SCAPER: variants seen among roughly 807,000 people sequenced by gnomAD.
SCAPER encodes S phase cyclin A-associated protein in the endoplasmic reticulum.
In SCAPER, 98 loss-of-function variants were observed where a neutral mutation model predicts 182.2. That is an observed-to-expected ratio of 0.54 (90% CI 0.46 to 0.64). The LOEUF (loss-of-function observed/expected upper bound fraction) is 0.64, where lower values mean the gene tolerates loss of function less well. SCAPER is among the 30% of genes least tolerant of loss of function. SCAPER has a pLI of 0.00. For synonymous variants in SCAPER, 605 were observed against 564.6 expected, an observed-to-expected ratio of 1.07 and a Z score of -1.01; for missense variants, 1,432 against 1,690.0, an observed-to-expected ratio of 0.85 and a Z score of 2.68.
chr15:76,902,885 G>A (rs1430687733), intron 1 of SCAPER, among the ~76,000 whole-genome samples: 3 of 151,748 alleles, frequency 2.0e-5, no homozygotes, highest in African/African-American at 7.3e-5. Flanking sequence ...GGTGAAACCC[G>A]GTCTCTACTA....
chr15:76,604,238 C>G (rs1287890091), intron 22 of SCAPER, among the ~76,000 whole-genome samples: 2 of 121,094 alleles, frequency 1.7e-5, no homozygotes, highest in Non-Finnish European at 2.0e-5. Flanking sequence ...CAGCTTTCTA[C>G]ATATGGCTAG....
chr15:76,431,640 C>G (rs768537789), intron 26 of SCAPER, among the ~76,000 whole-genome samples: 3 of 111,192 alleles, frequency 2.7e-5, no homozygotes, highest in Non-Finnish European at 5.0e-5. Context: ...CAGTTCATAT[C>G]TGGGAAGGTG....
intron 23 of SCAPER, among the ~76,000 whole-genome samples, chr15:76,566,582 C>G (rs992750527): frequency 3.9e-5 from 6 of 152,094 alleles, no homozygotes; most frequent in African/African-American, 1.4e-4. Context: ...AAATGTAATG[C>G]TTATCATCAC....
At chr15:76,464,554 GA>G (rs59376538) in intron 25 of SCAPER, among the ~76,000 whole-genome samples, 102 of 150,570 alleles carry the variant, frequency 6.8e-4, no homozygotes, top group African/African-American at 2.2e-3. Flanking sequence ...ATGTTTGGTT[GA>G]AAAAAAAACT....
intron 20 of SCAPER, among the ~76,000 whole-genome samples, chr15:76,674,351 C>A (rs1212341793): frequency 6.6e-6 from 1 of 152,144 alleles, no homozygotes; most frequent in African/African-American, 2.4e-5. Flanking sequence ...ACTCTAGGTT[C>A]ATGTGTCTAT....
intron 25 of SCAPER, among the ~76,000 whole-genome samples, chr15:76,459,050 A>G (rs1314955825): frequency 1.3e-5 from 2 of 152,032 alleles, no homozygotes; most frequent in Non-Finnish European, 2.9e-5. Context: ...ATGTGCCACC[A>G]TGCCTGGCAA....
intron 17 of SCAPER, among the ~76,000 whole-genome samples, chr15:76,711,685 C>G (rs1049640446): frequency 3.3e-5 from 5 of 152,126 alleles, no homozygotes; most frequent in South Asian, 2.1e-4. Context: ...CTTTGATGGC[C>G]AGTGATGATG....
intron 15 of SCAPER, among the ~76,000 whole-genome samples, chr15:76,740,411 A>T (rs1003813900): frequency 2.6e-5 from 4 of 152,222 alleles, no homozygotes; most frequent in Non-Finnish European, 5.9e-5. Context: ...GACTCAGAAC[A>T]TCACCATCAA....
intron 1 of SCAPER, among the ~76,000 whole-genome samples, chr15:76,896,280 G>A (rs1169176504): frequency 1.3e-5 from 2 of 151,836 alleles, no homozygotes; most frequent in East Asian, 3.9e-4. Context: ...TGAGGTGGGA[G>A]GATCACCGGA....
chr15:76,603,004 C>T (rs1245489928), intron 22 of SCAPER, among the ~76,000 whole-genome samples: 2 of 83,412 alleles, frequency 2.4e-5, no homozygotes, highest in African/African-American at 6.7e-5. Context: ...TTTGGATCCT[C>T]AATAGTTTTT....
At chr15:76,887,833 G>A (rs1043645475) in intron 1 of SCAPER, among the ~76,000 whole-genome samples, 11 of 152,208 alleles carry the variant, frequency 7.2e-5, no homozygotes, top group Admixed American at 1.3e-4. Context: ...GACCTCTGAG[G>A]ACAGACAGAC....
At chr15:76,485,596 G>C (rs1006023433) in intron 24 of SCAPER, among the ~76,000 whole-genome samples, 1 of 152,074 alleles carries the variant, frequency 6.6e-6, no homozygotes, top group Admixed American at 6.6e-5. Flanking sequence ...TAAGCAAAGG[G>C]AAAAAGCTGG....
chr15:76,865,115 T>C (rs2072172742), intron 2 of SCAPER, among the ~76,000 whole-genome samples: 1 of 152,158 alleles, frequency 6.6e-6, no homozygotes, highest in Non-Finnish European at 1.5e-5. Context: ...AACTATCCCA[T>C]TAATCTCTTT....
intron 27 of SCAPER, among the ~76,000 whole-genome samples, chr15:76,401,797 G>C (rs2044477315): frequency 6.6e-6 from 1 of 152,164 alleles, no homozygotes; most frequent in Admixed American, 6.6e-5. Context: ...TATTTGTGAG[G>C]ATGTAGAGAA....
intron 23 of SCAPER, among the ~76,000 whole-genome samples, chr15:76,529,340 C>A (rs1449511360): frequency 2.0e-5 from 3 of 152,188 alleles, no homozygotes; most frequent in Admixed American, 2.0e-4. Flanking sequence ...GCCACCATTC[C>A]CCGCCAGAAC....
chr15:76,880,687 C>CATAAATTT (rs2073475782), intron 2 of SCAPER, among the ~76,000 whole-genome samples: 1 of 151,178 alleles, frequency 6.6e-6, no homozygotes, highest in Non-Finnish European at 1.5e-5. Context: ...AAACGAAGAT[C>CATAAATTT]TCTAACACTC....
chr15:76,726,396 T>G (rs569581427), intron 17 of SCAPER, among the ~76,000 whole-genome samples: 1 of 151,518 alleles, frequency 6.6e-6, no homozygotes, highest in African/African-American at 2.4e-5. Context: ...GGAACCCTTG[T>G]GCAATGCTGC....
chr15:76,669,318 A>C (rs1411614303), intron 20 of SCAPER, among the ~76,000 whole-genome samples: 1 of 152,186 alleles, frequency 6.6e-6, no homozygotes, highest in Non-Finnish European at 1.5e-5. Context: ...GGTATACTAT[A>C]CCTTTATACA....
intron 27 of SCAPER, among the ~76,000 whole-genome samples, chr15:76,404,238 T>C (rs972253654): frequency 6.6e-6 from 1 of 152,100 alleles, no homozygotes; most frequent in Non-Finnish European, 1.5e-5. Context: ...ACTGGACTCC[T>C]CTGGATCTCA....
Sources: gnomAD v4.1 joint callset for allele counts (sites outside exome capture counted in the v4.1 genomes callset) on GRCh38, gnomAD v4.1.1 for gene constraint, MANE v1.5 for transcripts, NCBI Gene and HGNC (gene_info 2026-07-23, HGNC 2026-07-21) for gene names.